AIG1: variants seen among roughly 807,000 people sequenced by gnomAD.
AIG1 encodes androgen induced 1.
Under a neutral mutation model 31.4 loss-of-function variants are expected in AIG1, and 23 were observed. That is an observed-to-expected ratio of 0.73 (90% CI 0.53 to 1.04). The LOEUF (loss-of-function observed/expected upper bound fraction) is 1.04, where lower values mean the gene tolerates loss of function less well. AIG1 is among the 50% of genes least tolerant of loss of function. The probability of loss-of-function intolerance (pLI) is 0.00; values close to 1 mark genes in which losing one functional copy is unlikely to be tolerated. For synonymous variants in AIG1, 100 were observed against 110.5 expected (o/e 0.90, Z 0.60); for missense variants, 274 against 295.0 (o/e 0.93, Z 0.52).
intron 2 of AIG1, among the ~76,000 whole-genome samples, chr6:143,161,529 T>TATTA (rs1554252505): frequency 6.7e-6 from 1 of 149,404 alleles, no homozygotes; most frequent in Non-Finnish European, 1.5e-5. Flanking sequence ...AAAACATATA[T>TATTA]TATATATATA....
chr6:143,092,279 A>ATTTTTTTT (rs760340815), intron 1 of AIG1, among the ~76,000 whole-genome samples: 3 of 117,666 alleles, frequency 2.5e-5, no homozygotes, highest in Non-Finnish European at 5.4e-5. Context: ...TAATTTTTTG[A>ATTTTTTTT]TTTTTTTTTT....
intron 1 of AIG1, among the ~76,000 whole-genome samples, chr6:143,119,173 C>T (rs924775126): frequency 6.6e-6 from 1 of 152,186 alleles, no homozygotes; most frequent in Non-Finnish European, 1.5e-5. Context: ...GCGTGCTTAT[C>T]ACCTGCTGAC....
chr6:143,192,103 T>G (rs1346627401), intron 3 of AIG1, among the ~76,000 whole-genome samples: 3 of 152,264 alleles, frequency 2.0e-5, no homozygotes, highest in African/African-American at 7.2e-5. Flanking sequence ...AACTTTTAAC[T>G]TCAGTGCTGG....
chr6:143,125,148 A>G (rs1218898263), intron 1 of AIG1, among the ~76,000 whole-genome samples: 2 of 152,240 alleles, frequency 1.3e-5, no homozygotes, highest in African/African-American at 4.8e-5. Flanking sequence ...TACCATGAAT[A>G]AAAATTTAGT....
At position 143,298,907 on chromosome 6, in the gene AIG1, A is replaced by T. The variant is rs1047173095; in HGVS notation, c.515+14682A>T. On this transcript the variant is annotated intron_variant, in intron 4 of 5. Transcript: ENST00000357847. This position sits in a 1 kb window ranked among gnomAD's most constrained non-coding sequence, Gnocchi z 5.1. ...AATTTTTATTGTGTTTTTTTTTCCC[A>T]AGGCTGTGACATCTGTCTGTGTTCT... 3 of 151,984 alleles carry T rather than the reference A, an allele frequency of 2.0e-5. No individual in the cohort carries two copies. Among genetic ancestry groups the T allele is most frequent in the Non-Finnish European group, 2.9e-5 (2 of 67,976 alleles). The allele number at this position is 151,984 out of a possible 1,614,324, so 9.4% of individuals were successfully genotyped here. A position where few individuals can be genotyped will look rare whatever the true frequency, so the allele number is the denominator to read the frequency against.
At chr6:143,143,531 ATATATATATAT>A (rs1784453555) in intron 2 of AIG1, among the ~76,000 whole-genome samples, 3 of 99,766 alleles carry the variant, frequency 3.0e-5, no homozygotes, top group Non-Finnish European at 5.5e-5. Context: ...AAAAAAAAAT[ATATATATATAT>A]ATATATATAT....
At position 143,196,859 on chromosome 6, in the gene AIG1, C is replaced by T. The variant is rs556422446; in HGVS notation, c.399+31676C>T. Among the ~76,000 whole-genome samples, 58 of 152,288 alleles carry T rather than the reference C, an allele frequency of 3.8e-4. 1 individual carries two copies. The highest frequency in any genetic ancestry group is 1.4e-3 in the African/African-American group (57 of 41,548). On this transcript the variant is annotated intron_variant, in intron 3 of 5. Transcript: ENST00000357847. ...ATAAAAAAAAGAAAAAAAAACTCTT[C>T]AGGAGCATAAAATGTTATTGAATTT...
intron 1 of AIG1, among the ~76,000 whole-genome samples, chr6:143,070,896 T>C (rs980964300): frequency 3.3e-5 from 5 of 152,234 alleles, no homozygotes; most frequent in African/African-American, 9.6e-5. Flanking sequence ...TTGAGGTAAT[T>C]GTAGATTCAC....
rs1330804541 is a variant in AIG1, at chr6:143,338,863, A to G, written c.680-776A>G. ...GAAACAAAGAAACTGAGAATTTGGTATGATTCAAAAAATGTTTAGGTACAA... is the reference window on the plus strand; with the variant it reads ...GAAACAAAGAAACTGAGAATTTGGTGTGATTCAAAAAATGTTTAGGTACAA... On this transcript the variant is annotated intron_variant, in intron 5 of 5. Transcript: ENST00000357847. The surrounding 1 kb of genome is among the most constrained non-coding windows in gnomAD (Gnocchi z 4.3). The G allele has an allele frequency of 2.6e-5, 4 of 152,220 alleles. No homozygotes were observed. The highest frequency in any genetic ancestry group is 7.2e-5 in the African/African-American group (3 of 41,454). The allele number at this position is 152,220 out of a possible 1,614,324, so 9.4% of individuals were successfully genotyped here. A position where few individuals can be genotyped will look rare whatever the true frequency, so the allele number is the denominator to read the frequency against.
intron 3 of AIG1, among the ~76,000 whole-genome samples, chr6:143,278,838 C>T (rs1009166910): frequency 6.6e-6 from 1 of 152,066 alleles, no homozygotes; most frequent in East Asian, 1.9e-4. Flanking sequence ...TAGGGGAGGC[C>T]TCAAAATAAT....
At chr6:143,207,898 A>G (rs1322950070) in intron 3 of AIG1, among the ~76,000 whole-genome samples, 1 of 152,204 alleles carries the variant, frequency 6.6e-6, no homozygotes, top group Non-Finnish European at 1.5e-5. Flanking sequence ...TCAGAATTTC[A>G]GTCAGTAGAG....
chr6:143,195,583 T>C (rs571123555), intron 3 of AIG1, among the ~76,000 whole-genome samples: 1 of 150,948 alleles, frequency 6.6e-6, no homozygotes, highest in East Asian at 1.9e-4. Flanking sequence ...TAGGAAGGAA[T>C]AGAAGAAGGC....
At chr6:143,161,207 A>G (rs1020021765) in intron 2 of AIG1, among the ~76,000 whole-genome samples, 1 of 152,198 alleles carries the variant, frequency 6.6e-6, no homozygotes, top group East Asian at 1.9e-4. Flanking sequence ...AGGAAGCCCA[A>G]ATAGCCCTAT....
intron 3 of AIG1, chr6:143,189,518 T>G: frequency 1.3e-5 from 13 of 985,448 alleles, no homozygotes; most frequent in Non-Finnish European, 1.4e-5. Flanking sequence ...TGTCATATGC[T>G]AAGTTATTTG....
chr6:143,272,634 A>G (rs1322771137), intron 3 of AIG1, among the ~76,000 whole-genome samples: 2 of 152,258 alleles, frequency 1.3e-5, no homozygotes, highest in African/African-American at 4.8e-5. Flanking sequence ...CAATATGTAT[A>G]TACCAAGGAT....
chr6:143,134,002 T>C (rs930959098), intron 1 of AIG1, among the ~76,000 whole-genome samples: 5 of 152,078 alleles, frequency 3.3e-5, no homozygotes, highest in Admixed American at 6.6e-5. Context: ...CCCTATTTTT[T>C]AGTCAATCTT....
At chr6:143,132,933 C>G (rs1271742904) in intron 1 of AIG1, among the ~76,000 whole-genome samples, 1 of 151,700 alleles carries the variant, frequency 6.6e-6, no homozygotes, top group Non-Finnish European at 1.5e-5. Flanking sequence ...TCTTATTTCT[C>G]TCGCTATTTT....
Position 143,268,103 on chromosome 6 carries a change from A to G in AIG1, c.400-16007A>G, listed in dbSNP as rs372874474. 4.6e-5 allele frequency among the ~76,000 whole-genome samples: 7 copies of G among 152,200 alleles called. No homozygotes were observed. The highest frequency in any genetic ancestry group is 1.7e-4 in the African/African-American group (7 of 41,438). On this transcript the variant is annotated intron_variant, in intron 3 of 5. Coordinates refer to ENST00000357847, the MANE Select transcript of AIG1 (RefSeq NM_016108.4). The surrounding 1 kb of genome is among the most constrained non-coding windows in gnomAD (Gnocchi z 5.0). Reference sequence around the variant, plus strand: ...ATATCCATGATGAATTATAATAAAAATAGGGAGGATTATGACTTGATATAT... The same window carrying G: ...ATATCCATGATGAATTATAATAAAAGTAGGGAGGATTATGACTTGATATAT...
chr6:143,222,295 C>T (rs1333537797), intron 3 of AIG1, among the ~76,000 whole-genome samples: 2 of 152,136 alleles, frequency 1.3e-5, no homozygotes, highest in African/African-American at 4.8e-5. Context: ...TCTGTTCCCC[C>T]ATAGCACTCA....
Sources: gnomAD v4.1 joint callset for allele counts (sites outside exome capture counted in the v4.1 genomes callset) on GRCh38, gnomAD v4.1.1 for gene constraint, Gnocchi (gnomAD v3.1) non-coding constraint, MANE v1.5 for transcripts, NCBI Gene and HGNC (gene_info 2026-07-23, HGNC 2026-07-21) for gene names.